Variants in TLDC2 observed in about 807,000 individuals in gnomAD.
TLDC2 encodes TBC/LysM-associated domain containing 2.
In TLDC2, 23 loss-of-function variants were observed where a neutral mutation model predicts 27.9. The observed-to-expected ratio is 0.82, with a 90% CI of 0.59 to 1.17. The LOEUF is 1.17. Ranked by LOEUF, TLDC2 falls within the 50% of genes most tolerant of loss-of-function variation. The probability of loss-of-function intolerance (pLI) is 0.00; values close to 1 mark genes in which losing one functional copy is unlikely to be tolerated. For missense variants in TLDC2, 286 were observed against 273.4 expected, an observed-to-expected ratio of 1.05 and a Z score of -0.32; for synonymous variants, 124 against 107.4, an observed-to-expected ratio of 1.16 and a Z score of -0.96.
intron 4 of TLDC2, 120 bp from the exon 5 acceptor site, chr20:36,887,335 C>CA: frequency 1.2e-6 from 1 of 862,120 alleles, no homozygotes; most frequent in Non-Finnish European, 2.0e-6. Context: ...CCACCTGCGG[C>CA]TCGGTTGGGG....
chr20:36,893,196 G>T lies in TLDC2; in HGVS notation c.*352G>T. On this transcript the variant is annotated 3_prime_UTR_variant, in exon 7 of 7. Transcript: ENST00000217320. ...ATTGCTTCTAGCTGTCCTCAATCCA[G>T]GGAAACTCCAAATTACATATGCCCT... 1 of 1,139,360 alleles carries T rather than the reference G, an allele frequency of 8.8e-7. No individual in the cohort carries two copies. Among genetic ancestry groups the T allele is most frequent in the Non-Finnish European group, 1.3e-6 (1 of 780,428 alleles). 70.6% of individuals were successfully genotyped at this position (1,139,360 alleles called of 1,614,324 possible). A position where few individuals can be genotyped will look rare whatever the true frequency, so the allele number is the denominator to read the frequency against.
chr20:36,880,569 G>A, intron 3 of TLDC2, 86 bp from the exon 4 acceptor site: 1 of 1,146,326 alleles, frequency 8.7e-7, no homozygotes, highest in Non-Finnish European at 1.3e-6. Flanking sequence ...TCTAGGATGA[G>A]CCTGTATTAC....
intron 4 of TLDC2, among the ~76,000 whole-genome samples, chr20:36,884,209 A>G (rs79879305): frequency 0.079 from 11,964 of 152,222 alleles, 518 homozygotes; most frequent in South Asian, 0.087. Context: ...ATGATCTACA[A>G]GTCCCTACAA....
At chr20:36,880,504 G>T in intron 3 of TLDC2, 151 bp from the exon 4 acceptor site, 2 of 621,586 alleles carry the variant, frequency 3.2e-6, no homozygotes, top group South Asian at 3.9e-5. Context: ...AAGGATTCCT[G>T]CTCTTGGGTG....
At chr20:36,878,107 AC>A in intron 2 of TLDC2, 53 bp downstream of exon 2, 7 of 1,560,464 alleles carry the variant, frequency 4.5e-6, no homozygotes, top group Non-Finnish European at 6.1e-6. Flanking sequence ...TAAGAGTCTC[AC>A]CCTCCTGCCC....
intron 1 of TLDC2, among the ~76,000 whole-genome samples, chr20:36,877,048 C>A (rs1049472051): frequency 3.3e-5 from 5 of 152,038 alleles, no homozygotes; most frequent in African/African-American, 1.2e-4. Flanking sequence ...CATGGGGAAA[C>A]CTTTGGGCTT....
Position 36,893,217 on chromosome 20 carries a change from G to T in TLDC2, c.*373G>T. The T allele has an allele frequency of 1.1e-6, 1 of 933,838 alleles. No homozygotes were observed. Among genetic ancestry groups the T allele is most frequent in the Non-Finnish European group, 1.6e-6 (1 of 608,390 alleles). 57.8% of individuals were successfully genotyped at this position (933,838 alleles called of 1,614,324 possible). On this transcript the variant is annotated 3_prime_UTR_variant, in exon 7 of 7. Transcript: ENST00000217320. ...TCCAGGGAAACTCCAAATTACATAT[G>T]CCCTGTGCTTGGGGCAAATTAGAAA...
chr20:36,882,440 C>T (rs1989835178), intron 4 of TLDC2, among the ~76,000 whole-genome samples: 1 of 152,082 alleles, frequency 6.6e-6, no homozygotes, highest in Non-Finnish European at 1.5e-5. Context: ...CAACTGTAAT[C>T]CCAGCATTTT....
At chr20:36,887,345 G>C (rs111742209) in intron 4 of TLDC2, 110 bp from the exon 5 acceptor site, 6 of 960,796 alleles carry the variant, frequency 6.2e-6, no homozygotes, top group African/African-American at 1.6e-5. Flanking sequence ...CTCGGTTGGG[G>C]CCTGGATGCT....
chr20:36,889,346 A>G lies in TLDC2; in HGVS notation c.608A>G (p.Gln203Arg), dbSNP rs765618312. The part of the protein sequence containing the change: ...FNNEVLARQE[Q>R]FCIQELEAWL... ...AACGAGGTGCTGGCCCGGCAGGAGC[A>G]GTTCTGCATCCAGGAGCTGGAGGCT... The change falls in exon 6 of 7, where the codon CAG becomes CGG. Residue 203 changes from glutamine to arginine, a missense_variant. Gln to Arg is a conservative substitution (Grantham distance 43, BLOSUM62 1). Transcript: ENST00000217320. The G allele has an allele frequency of 1.2e-6, 2 of 1,614,212 alleles. No homozygotes were observed. The highest frequency in any genetic ancestry group is 3.3e-5 in the Admixed American group (2 of 60,018).
chr20:36,884,902 G>T (rs1396204949), intron 4 of TLDC2, among the ~76,000 whole-genome samples: 1 of 136,152 alleles, frequency 7.3e-6, no homozygotes, highest in African/African-American at 2.8e-5. Context: ...TTTTGAGACG[G>T]AGTTTTGCTC....
At chr20:36,890,414 C>CTTTCTTTCTTTCTTTCTTTCTTTCTTTCT (rs1555830169) in intron 6 of TLDC2, 66 of 150,098 alleles carry the variant, frequency 4.4e-4, no homozygotes, top group African/African-American at 1.3e-3. Context: ...TTCTTTCTTT[C>CTTTCTTTCTTTCTTTCTTTCTTTCTTTCT]TTTCTTTTCT....
rs1990121471 is a variant in TLDC2, at chr20:36,893,136, A to C, written c.*292A>C. The C allele has an allele frequency of 6.3e-7, 1 of 1,577,190 alleles. No individual in the cohort carries two copies. Among genetic ancestry groups the C allele is most frequent in the Non-Finnish European group, 8.6e-7 (1 of 1,156,150 alleles). ...TTCCATCATCTTATTTCTGAGTGAA[A>C]GTCTCAAGTGCGCACATCCTCATCT... is the stretch of plus-strand genomic sequence containing the variant. On this transcript the variant is annotated 3_prime_UTR_variant, in exon 7 of 7. Transcript: ENST00000217320.
chr20:36,893,530 T>C lies in TLDC2; in HGVS notation c.*686T>C. 1 of 274,148 alleles carries C rather than the reference T, an allele frequency of 3.6e-6. No homozygotes were observed. Among genetic ancestry groups the C allele is most frequent in the Non-Finnish European group, 6.8e-6 (1 of 147,366 alleles). 17.0% of individuals were successfully genotyped at this position (274,148 alleles called of 1,614,324 possible). A position where few individuals can be genotyped will look rare whatever the true frequency, so the allele number is the denominator to read the frequency against. ...TTTAAATTTTTCTCTGCATCAAAGC[T>C]CTAACGTTGGTCCCATCAGCATAGG... On this transcript the variant is annotated 3_prime_UTR_variant, in exon 7 of 7. Coordinates refer to ENST00000217320, the MANE Select transcript of TLDC2 (RefSeq NM_080628.3).
chr20:36,887,669 C>G (rs1989952781), intron 5 of TLDC2, 141 bp downstream of exon 5: 1 of 780,074 alleles, frequency 1.3e-6, no homozygotes, highest in African/African-American at 1.7e-5. Context: ...CATTGCTCAG[C>G]CTCCCAGCCA....
chr20:36,884,280 C>T (rs1463208409), intron 4 of TLDC2, among the ~76,000 whole-genome samples: 1 of 152,198 alleles, frequency 6.6e-6, no homozygotes, highest in East Asian at 1.9e-4. Context: ...CGCTCTGCTC[C>T]AACCACACTG....
Position 36,878,096 on chromosome 20 carries a change from C to G in TLDC2, c.189+42C>G, listed in dbSNP as rs773506672. ...TGGCACAAGAATTTCAGCCCTAAAC[C>G]TAAGAGTCTCACCCTCCTGCCCTAC... On this transcript the variant is annotated intron_variant, in intron 2 of 6. Coordinates refer to ENST00000217320, the MANE Select transcript of TLDC2 (RefSeq NM_080628.3). The G allele has an allele frequency of 3.8e-6, 6 of 1,582,008 alleles. No individual in the cohort carries two copies. In the South Asian group the frequency reaches 7.0e-5, roughly 19 times the overall value.
intron 6 of TLDC2, chr20:36,890,472 CT>C (rs910548784): frequency 1.4e-5 from 2 of 145,586 alleles, no homozygotes; most frequent in Non-Finnish European, 3.0e-5. Context: ...TCCTTTCTTT[CT>C]TTTTGTTTGA....
intron 3 of TLDC2, among the ~76,000 whole-genome samples, chr20:36,880,085 A>ATATATATGTGTGTGTG (rs1568748491): frequency 6.6e-5 from 3 of 45,260 alleles, no homozygotes; most frequent in Non-Finnish European, 1.3e-4. Context: ...ATATATATAT[A>ATATATATGTGTGTGTG]TATATATATA....
Sources: allele counts gnomAD v4.1 joint callset (sites outside exome capture counted in the v4.1 genomes callset), GRCh38; gene constraint gnomAD v4.1.1; transcripts MANE v1.5; gene names NCBI Gene and HGNC (gene_info 2026-07-23, HGNC 2026-07-21).